The following BBS2 variants were observed in gnomAD, a reference collection of about 807,000 sequenced individuals.
The protein encoded by BBS2 is BBSome complex member BBS2.
In BBS2, 62 loss-of-function variants were observed where a neutral mutation model predicts 83.0. That is an observed-to-expected ratio of 0.75 (90% CI 0.61 to 0.92). The LOEUF is 0.92. Ranked by LOEUF, BBS2 falls within the 40% of genes least tolerant of loss-of-function variation. The pLI is 0.00. For missense variants in BBS2, 784 were observed against 901.0 expected (o/e 0.87, Z 1.66); for synonymous variants, 303 against 326.1 (o/e 0.93, Z 0.76).
At chr16:56,472,015 GC>G (rs1963214803) in intron 17 of BBS2, among the ~76,000 whole-genome samples, 1 of 152,164 alleles carries the variant, frequency 6.6e-6, no homozygotes, top group Non-Finnish European at 1.5e-5. Context: ...AGGCTGGAGT[GC>G]AGTGGTGCAA....
intron 1 of BBS2, among the ~76,000 whole-genome samples, chr16:56,516,922 T>C (rs1344413141): frequency 1.3e-5 from 2 of 152,192 alleles, no homozygotes; most frequent in Non-Finnish European, 2.9e-5. Context: ...CAGAACTTTT[T>C]AGATTTGTTT....
At chr16:56,471,638 T>C (rs1180337087) in intron 17 of BBS2, among the ~76,000 whole-genome samples, 1 of 152,142 alleles carries the variant, frequency 6.6e-6, no homozygotes, top group Admixed American at 6.5e-5. Context: ...CCTGTGCAGT[T>C]AGGAGAGCAG....
intron 15 of BBS2, among the ~76,000 whole-genome samples, chr16:56,488,890 T>C (rs775434625): frequency 6.6e-6 from 1 of 152,164 alleles, no homozygotes; most frequent in Non-Finnish European, 1.5e-5. Flanking sequence ...TTAGGAGTTA[T>C]TATGTCAGGA....
chr16:56,490,301 G>T (rs1289742249), intron 15 of BBS2, among the ~76,000 whole-genome samples: 1 of 151,958 alleles, frequency 6.6e-6, no homozygotes, highest in African/African-American at 2.4e-5. Flanking sequence ...GAAAACAGAT[G>T]AATTACTCTA....
chr16:56,488,940 A>C (rs1245404513), intron 15 of BBS2, among the ~76,000 whole-genome samples: 4 of 152,192 alleles, frequency 2.6e-5, no homozygotes, highest in Admixed American at 6.5e-5. Context: ...AGAATATCAC[A>C]ATGAAATTTA....
chr16:56,478,094 T>C (rs2144076700), intron 17 of BBS2: 2 of 152,344 alleles, frequency 1.3e-5, no homozygotes, highest in Middle Eastern at 6.8e-3. Context: ...TAGAACTAGT[T>C]CTAACATTGT....
intron 9 of BBS2, chr16:56,501,816 T>A: frequency 2.5e-6 from 1 of 408,106 alleles, no homozygotes; most frequent in Non-Finnish European, 4.6e-6. Flanking sequence ...AATACAGTAA[T>A]GCATTACAGG....
downstream of BBS2, among the ~76,000 whole-genome samples, chr16:56,480,352 C>CCAAAAA (rs1555519770): frequency 7.8e-5 from 6 of 76,534 alleles, no homozygotes; most frequent in South Asian, 5.0e-4. Context: ...CACACACACA[C>CCAAAAA]AAAAAAAAAA....
At position 56,484,868 on chromosome 16, in the gene BBS2, C is replaced by T; in HGVS notation, c.2060-1G>A. ...ATCACCTGGTTCTTTGGTTTTCCAA[C>T]TGCATAAGAAGAAACATCAGGAACC... is the stretch of plus-strand genomic sequence containing the variant. On this transcript the variant is annotated splice_acceptor_variant, in intron 16 of 16. Transcript: ENST00000245157. LOFTEE classifies it high-confidence loss of function. The T allele has an allele frequency of 1.9e-6, 3 of 1,612,616 alleles. No individual in the cohort carries two copies. Among genetic ancestry groups the T allele is most frequent in the Non-Finnish European group, 2.5e-6 (3 of 1,178,710 alleles).
At chr16:56,515,904 C>A (rs1292806933) in intron 1 of BBS2, among the ~76,000 whole-genome samples, 1 of 152,152 alleles carries the variant, frequency 6.6e-6, no homozygotes, top group Non-Finnish European at 1.5e-5. Flanking sequence ...AAGACAAGAG[C>A]CTGGTGTGCT....
intron 5 of BBS2, among the ~76,000 whole-genome samples, chr16:56,506,427 T>C (rs1288962821): frequency 1.3e-5 from 2 of 152,202 alleles, no homozygotes; most frequent in African/African-American, 4.8e-5. Context: ...CAGATTTAAA[T>C]AAACTCACAG....
chr16:56,500,221 GTAA>G (rs1354539431), intron 11 of BBS2: 1 of 344,020 alleles, frequency 2.9e-6, no homozygotes, highest in Admixed American at 4.2e-5. Flanking sequence ...ATGTATGACT[GTAA>G]TATAAAGGTG....
intron 12 of BBS2, 94 bp from the exon 13 acceptor site, chr16:56,498,662 T>G: frequency 6.3e-7 from 1 of 1,598,088 alleles, no homozygotes; most frequent in Non-Finnish European, 8.5e-7. Context: ...CAGCCATTCT[T>G]GAGGGAAGAG....
chr16:56,501,318 G>C (rs79492935), intron 10 of BBS2, 35 bp downstream of exon 10: 1 of 1,611,664 alleles, frequency 6.2e-7, no homozygotes. Flanking sequence ...GATGGCACAG[G>C]TGCCTCTAAA....
At chr16:56,514,766 C>A in intron 1 of BBS2, 86 bp from the exon 2 acceptor site, 1 of 982,050 alleles carries the variant, frequency 1.0e-6, no homozygotes, top group Admixed American at 2.2e-5. Flanking sequence ...AGGTTATTAA[C>A]ACATCCACAT....
At chr16:56,515,178 C>G (rs758644337) in intron 1 of BBS2, among the ~76,000 whole-genome samples, 6 of 152,156 alleles carry the variant, frequency 3.9e-5, no homozygotes, top group African/African-American at 7.2e-5. Flanking sequence ...CCGAGTCATG[C>G]AAATCAAGTA....
chr16:56,484,820 G>A lies in BBS2; in HGVS notation c.2107C>T (p.Arg703Ter), dbSNP rs567573386. 15 of 1,613,992 alleles carry A rather than the reference G, an allele frequency of 9.3e-6. No individual in the cohort carries two copies. The East Asian group carries it at 1.3e-4, about 14-fold the overall frequency. ...QVITACRDAI[R>*]SNNINTLFKI... ...AACAGTGTGTTGATGTTATTGCTTC[G>A]AATTGCATCCCGACAAGCAGTGATC... The change falls in exon 17 of 17, where the codon CGA becomes TGA. Residue 703 changes from arginine (R) to a stop codon, truncating the protein, a stop_gained. Transcript: ENST00000245157. LOFTEE classifies it high-confidence loss of function.
At chr16:56,483,619 C>G (rs1453497859), downstream of BBS2, among the ~76,000 whole-genome samples, 1 of 152,132 alleles carries the variant, frequency 6.6e-6, no homozygotes. Context: ...AGTAATCACT[C>G]TAAATTGACT....
downstream of BBS2, among the ~76,000 whole-genome samples, chr16:56,479,640 A>C (rs1194844480): frequency 6.6e-6 from 1 of 152,222 alleles, no homozygotes; most frequent in Non-Finnish European, 1.5e-5. Context: ...TACATTTCCC[A>C]GAACTCTCTT....
Sources: gnomAD v4.1 joint callset for allele counts (sites outside exome capture counted in the v4.1 genomes callset) on GRCh38, gnomAD v4.1.1 for gene constraint, MANE v1.5 for transcripts, NCBI Gene and HGNC (gene_info 2026-07-23, HGNC 2026-07-21) for gene names.